PDE4D: variants seen among roughly 807,000 people sequenced by gnomAD.
PDE4D encodes the protein 3',5'-cyclic-AMP phosphodiesterase 4D.
In PDE4D, 24 loss-of-function variants were observed where a neutral mutation model predicts 87.4. That is an observed-to-expected ratio of 0.27 (90% CI 0.20 to 0.39). The LOEUF is 0.39. Ranked by LOEUF, PDE4D falls within the 10% of genes least tolerant of loss-of-function variation. PDE4D has a pLI of 1.00. For missense variants in PDE4D, 714 were observed against 1,041.0 expected (o/e 0.69, Z 4.32); for synonymous variants, 384 against 383.2 (o/e 1.00, Z -0.02).
At chr5:59,398,994 G>A (rs1790048452) in intron 1 of PDE4D, among the ~76,000 whole-genome samples, 1 of 114,550 alleles carries the variant, frequency 8.7e-6, no homozygotes, top group Non-Finnish European at 1.8e-5. Context: ...GCTTCAAAGA[G>A]AATAAAACAC....
intron 1 of PDE4D, among the ~76,000 whole-genome samples, chr5:59,492,537 G>C (rs1057272232): frequency 5.9e-5 from 9 of 152,118 alleles, no homozygotes; most frequent in African/African-American, 2.2e-4. Flanking sequence ...AAACAAACAG[G>C]AGGCCCAGTG....
intron 2 of PDE4D, among the ~76,000 whole-genome samples, chr5:60,063,153 A>G (rs13153153): frequency 1.6e-4 from 21 of 134,560 alleles, no homozygotes; most frequent in Admixed American, 1.3e-3. Context: ...AAAGAAAGAA[A>G]GAAGGAAAGA....
intron 1 of PDE4D, among the ~76,000 whole-genome samples, chr5:59,379,893 G>A (rs996104217): frequency 6.6e-6 from 1 of 152,034 alleles, no homozygotes; most frequent in African/African-American, 2.4e-5. Context: ...TGAGTATATT[G>A]CGTGATGCTG....
intron 1 of PDE4D, among the ~76,000 whole-genome samples, chr5:59,288,809 GA>G (rs1033634711): frequency 3.3e-5 from 5 of 151,914 alleles, no homozygotes; most frequent in African/African-American, 9.7e-5. Context: ...GTGCTAAAGG[GA>G]AAAAAACTTT....
chr5:60,241,932 CA>C (rs771644128), intron 1 of PDE4D, among the ~76,000 whole-genome samples: 4 of 152,072 alleles, frequency 2.6e-5, no homozygotes, highest in Non-Finnish European at 5.9e-5. Context: ...ACACATAACA[CA>C]ATGGAGCTCC....
intron 1 of PDE4D, among the ~76,000 whole-genome samples, chr5:60,267,946 G>A (rs1363544237): frequency 6.6e-6 from 1 of 152,132 alleles, no homozygotes; most frequent in Non-Finnish European, 1.5e-5. Context: ...CTGGCTCTGG[G>A]GTGCTGGTAG....
At chr5:59,308,930 G>A (rs1213938462) in intron 1 of PDE4D, among the ~76,000 whole-genome samples, 1 of 152,016 alleles carries the variant, frequency 6.6e-6, no homozygotes, top group Non-Finnish European at 1.5e-5. Context: ...GGGCTGCTAT[G>A]GGGGATGGGG....
chr5:59,110,011 A>G (rs1404672528), intron 5 of PDE4D, among the ~76,000 whole-genome samples: 1 of 152,120 alleles, frequency 6.6e-6, no homozygotes, highest in African/African-American at 2.4e-5. Context: ...TGATCTCCCT[A>G]CTGCTCACAT....
At chr5:59,065,150 T>TA (rs906607246) in intron 5 of PDE4D, among the ~76,000 whole-genome samples, 14 of 146,990 alleles carry the variant, frequency 9.5e-5, no homozygotes, top group African/African-American at 3.5e-4. Flanking sequence ...TATTCAGCCC[T>TA]AAAAAAGGAA....
At chr5:59,175,780 C>CCTTT (rs1783767325) in intron 5 of PDE4D, among the ~76,000 whole-genome samples, 1 of 91,552 alleles carries the variant, frequency 1.1e-5, no homozygotes, top group African/African-American at 5.1e-5. Flanking sequence ...GCCCGGCCTC[C>CCTTT]ATTTTTTTTT....
chr5:60,003,376 A>G (rs1426066447), intron 2 of PDE4D, among the ~76,000 whole-genome samples: 5 of 152,094 alleles, frequency 3.3e-5, no homozygotes, highest in South Asian at 4.1e-4. Context: ...TGTAAAATTC[A>G]TATGAAACCA....
intron 1 of PDE4D, among the ~76,000 whole-genome samples, chr5:59,837,376 T>G (rs755822993): frequency 8.5e-5 from 13 of 152,056 alleles, no homozygotes; most frequent in African/African-American, 1.2e-4. Context: ...TTAACTGTTT[T>G]AGGTGTTGAC....
At chr5:59,577,713 CAAT>C (rs1317595341) in intron 1 of PDE4D, among the ~76,000 whole-genome samples, 1 of 152,024 alleles carries the variant, frequency 6.6e-6, no homozygotes, top group African/African-American at 2.4e-5. Flanking sequence ...TGAATGCTGA[CAAT>C]AATAGCGGAA....
chr5:59,852,097 T>G (rs889862466), intron 1 of PDE4D, among the ~76,000 whole-genome samples: 2 of 152,050 alleles, frequency 1.3e-5, no homozygotes, highest in African/African-American at 2.4e-5. Flanking sequence ...GATGCCATAA[T>G]AGAATGAGAC....
At chr5:60,451,292 A>G (rs1746078248) in intron 1 of PDE4D, among the ~76,000 whole-genome samples, 1 of 152,124 alleles carries the variant, frequency 6.6e-6, no homozygotes, top group South Asian at 2.1e-4. Flanking sequence ...TACATGTGAT[A>G]TTTTAATACC....
At chr5:60,304,424 T>C (rs1754253561) in intron 1 of PDE4D, among the ~76,000 whole-genome samples, 1 of 151,590 alleles carries the variant, frequency 6.6e-6, no homozygotes, top group Non-Finnish European at 1.5e-5. Flanking sequence ...GGCGGGTGGA[T>C]CATGAGGTCA....
At chr5:59,657,218 A>G (rs897980853) in intron 1 of PDE4D, among the ~76,000 whole-genome samples, 4 of 152,234 alleles carry the variant, frequency 2.6e-5, no homozygotes, top group Admixed American at 6.5e-5. Flanking sequence ...ACCATTTGCT[A>G]TGTTATGAAT....
chr5:60,347,053 A>C (rs1417420916), intron 1 of PDE4D, among the ~76,000 whole-genome samples: 1 of 152,176 alleles, frequency 6.6e-6, no homozygotes, highest in Non-Finnish European at 1.5e-5. Flanking sequence ...ATAGACAAAC[A>C]AAACAATTTA....
chr5:60,001,048 T>C (rs1763970189), intron 2 of PDE4D, among the ~76,000 whole-genome samples: 1 of 152,130 alleles, frequency 6.6e-6, no homozygotes. Flanking sequence ...TCCAACTCCC[T>C]GGAGGCAAGT....
Sources: gnomAD v4.1 joint callset for allele counts (sites outside exome capture counted in the v4.1 genomes callset) on GRCh38, gnomAD v4.1.1 for gene constraint, MANE v1.5 for transcripts, NCBI Gene and HGNC (gene_info 2026-07-23, HGNC 2026-07-21) for gene names.